Variants in CNTN5 observed in about 807,000 individuals in gnomAD.
CNTN5 encodes the protein contactin 5.
Under a neutral mutation model 129.1 loss-of-function variants are expected in CNTN5, and 77 were observed. That is an observed-to-expected ratio of 0.60 (90% CI 0.50 to 0.72). The LOEUF is 0.72. CNTN5 is among the 30% of genes least tolerant of loss of function. The probability of loss-of-function intolerance (pLI) is 0.00; values close to 1 mark genes in which losing one functional copy is unlikely to be tolerated. For synonymous variants in CNTN5, 509 were observed against 465.6 expected, an observed-to-expected ratio of 1.09 and a Z score of -1.20; for missense variants, 1,478 against 1,328.8, an observed-to-expected ratio of 1.11 and a Z score of -1.75.
At chr11:99,389,112 C>A (rs1264796070) in intron 2 of CNTN5, among the ~76,000 whole-genome samples, 1 of 149,594 alleles carries the variant, frequency 6.7e-6, no homozygotes, top group Non-Finnish European at 1.5e-5. Context: ...TCACTGCAAC[C>A]TCTGCCTCCC....
chr11:99,259,768 C>A (rs935681735), intron 1 of CNTN5, among the ~76,000 whole-genome samples: 2 of 151,634 alleles, frequency 1.3e-5, no homozygotes, highest in African/African-American at 2.4e-5. Context: ...AATAAGAGTA[C>A]CTTTTGCTCT....
chr11:100,256,021 C>T, intron 17 of CNTN5, 103 bp downstream of exon 17: 1 of 1,012,050 alleles, frequency 9.9e-7, no homozygotes, highest in South Asian at 1.8e-5. Context: ...ATTCTGAAAT[C>T]TCTTTGTTAT....
intron 3 of CNTN5, among the ~76,000 whole-genome samples, chr11:99,766,230 T>C (rs1368141745): frequency 2.0e-5 from 3 of 152,050 alleles, no homozygotes; most frequent in Non-Finnish European, 4.4e-5. Flanking sequence ...GTTGCCTTGA[T>C]TGGAATGCAA....
rs77059598 is a variant in CNTN5, at chr11:99,307,344, C to T, written c.-209-18002C>T. Among the ~76,000 whole-genome samples, 28 of 151,992 alleles carry T rather than the reference C, an allele frequency of 1.8e-4. No individual in the cohort carries two copies. The East Asian group carries it at 5.4e-3, about 29-fold the overall frequency. ...CTATTCGTTGGTAACAATGAGATGA[C>T]TTTCTAGTGTTTTTGTTCTTGTTGT... On this transcript the variant is annotated intron_variant, in intron 1 of 24. Coordinates refer to ENST00000524871, the MANE Select transcript of CNTN5 (RefSeq NM_014361.4).
At chr11:99,242,430 T>A (rs2135762210) in intron 1 of CNTN5, among the ~76,000 whole-genome samples, 1 of 152,262 alleles carries the variant, frequency 6.6e-6, no homozygotes, top group Admixed American at 6.5e-5. Flanking sequence ...GTTAGTAATT[T>A]ATTGTCTGTC....
At chr11:99,211,222 T>G (rs926638340) in intron 1 of CNTN5, among the ~76,000 whole-genome samples, 27 of 152,158 alleles carry the variant, frequency 1.8e-4, no homozygotes, top group Admixed American at 1.8e-3. Flanking sequence ...CATGGTATTC[T>G]CTTTCTTTGT....
chr11:99,971,777 A>G (rs1056188690), intron 8 of CNTN5, among the ~76,000 whole-genome samples: 14 of 151,972 alleles, frequency 9.2e-5, no homozygotes, highest in African/African-American at 2.7e-4. Flanking sequence ...CTCACTAAAG[A>G]CTAAGATAAT....
chr11:100,232,808 A>C (rs1006855683), intron 16 of CNTN5, among the ~76,000 whole-genome samples: 1 of 152,206 alleles, frequency 6.6e-6, no homozygotes, highest in African/African-American at 2.4e-5. Flanking sequence ...ATGTATGAGC[A>C]GCACATTTTG....
intron 2 of CNTN5, among the ~76,000 whole-genome samples, chr11:99,518,677 T>A (rs1947153573): frequency 6.6e-6 from 1 of 152,146 alleles, no homozygotes; most frequent in African/African-American, 2.4e-5. Context: ...CCATTGTTTC[T>A]TATTAAGATA....
At chr11:99,041,991 G>A (rs1864001302) in intron 1 of CNTN5, among the ~76,000 whole-genome samples, 1 of 151,996 alleles carries the variant, frequency 6.6e-6, no homozygotes, top group Non-Finnish European at 1.5e-5. Flanking sequence ...CTCTTCTCCT[G>A]AATAATTTCT....
chr11:99,929,334 C>T (rs1321780463), intron 7 of CNTN5, among the ~76,000 whole-genome samples: 3 of 152,184 alleles, frequency 2.0e-5, no homozygotes, highest in African/African-American at 7.2e-5. Context: ...GCCCTTGGAA[C>T]TGTTCCAACC....
At chr11:99,042,508 T>C (rs1238381415) in intron 1 of CNTN5, among the ~76,000 whole-genome samples, 2 of 151,258 alleles carry the variant, frequency 1.3e-5, no homozygotes, top group African/African-American at 2.4e-5. Context: ...CCCGAGTAGC[T>C]GGGACTACAG....
intron 13 of CNTN5, among the ~76,000 whole-genome samples, chr11:100,152,385 C>G (rs1326621254): frequency 2.0e-5 from 3 of 152,082 alleles, no homozygotes; most frequent in Non-Finnish European, 4.4e-5. Context: ...CTCCCTGTTC[C>G]AAGCATTTTC....
intron 13 of CNTN5, among the ~76,000 whole-genome samples, chr11:100,118,248 T>G (rs1327595141): frequency 6.6e-6 from 1 of 151,806 alleles, no homozygotes; most frequent in Admixed American, 6.6e-5. Context: ...ACTGTTGGGG[T>G]AGTGTAGGAG....
intron 9 of CNTN5, among the ~76,000 whole-genome samples, chr11:100,015,101 A>C (rs1723066272): frequency 6.6e-6 from 1 of 152,164 alleles, no homozygotes; most frequent in African/African-American, 2.4e-5. Context: ...TTGTTAACTG[A>C]ATTAAGTCAT....
intron 3 of CNTN5, among the ~76,000 whole-genome samples, chr11:99,640,849 G>C (rs765598032): frequency 5.9e-5 from 9 of 152,154 alleles, no homozygotes; most frequent in Non-Finnish European, 1.0e-4. Flanking sequence ...AGCAATGCAT[G>C]AATGTATTTT....
At chr11:99,620,678 T>C (rs1202291839) in intron 3 of CNTN5, among the ~76,000 whole-genome samples, 3 of 151,952 alleles carry the variant, frequency 2.0e-5, no homozygotes, top group Non-Finnish European at 2.9e-5. Context: ...ATAGTGGGCA[T>C]AGAAAATCAA....
At chr11:100,177,132 A>G (rs1414209735) in intron 13 of CNTN5, among the ~76,000 whole-genome samples, 2 of 152,088 alleles carry the variant, frequency 1.3e-5, no homozygotes, top group Admixed American at 6.6e-5. Context: ...AAAGGAGCAA[A>G]GACTAGAGTT....
intron 3 of CNTN5, among the ~76,000 whole-genome samples, chr11:99,775,545 G>T (rs1236048831): frequency 6.6e-6 from 1 of 151,946 alleles, no homozygotes; most frequent in East Asian, 1.9e-4. Flanking sequence ...ATGAGAGAAA[G>T]AAAGAAACAG....
Sources: gnomAD v4.1 joint callset for allele counts (sites outside exome capture counted in the v4.1 genomes callset) on GRCh38, gnomAD v4.1.1 for gene constraint, MANE v1.5 for transcripts, NCBI Gene and HGNC (gene_info 2026-07-23, HGNC 2026-07-21) for gene names.